XKR9: variants seen among roughly 807,000 people sequenced by gnomAD.
The protein encoded by XKR9 is XK related 9.
Under a neutral mutation model 32.0 loss-of-function variants are expected in XKR9, and 32 were observed. That is an observed-to-expected ratio of 1.00 (90% CI 0.76 to 1.34). The LOEUF (loss-of-function observed/expected upper bound fraction) is 1.34. Among genes scored for constraint, XKR9 ranks in the 40% most tolerant of loss-of-function variants. The probability of loss-of-function intolerance (pLI) is 0.00; values close to 1 mark genes in which losing one functional copy is unlikely to be tolerated. For missense variants in XKR9, 546 were observed against 429.7 expected, an observed-to-expected ratio of 1.27 and a Z score of -2.39; for synonymous variants, 168 against 143.4, an observed-to-expected ratio of 1.17 and a Z score of -1.22.
At chr8:70,851,532 A>G in the XKR9 span, among the ~76,000 whole-genome samples, 1 of 152,208 alleles carries the variant, frequency 6.6e-6, no homozygotes, top group Non-Finnish European at 1.5e-5. Flanking sequence ...ACTTCAAACT[A>G]TACTACAAGA....
chr8:70,981,127 C>A, the XKR9 span, among the ~76,000 whole-genome samples: 1 of 152,098 alleles, frequency 6.6e-6, no homozygotes, highest in Non-Finnish European at 1.5e-5. Flanking sequence ...AGGTGATGAT[C>A]TTTTTGCGAT....
the XKR9 span, among the ~76,000 whole-genome samples, chr8:70,821,058 G>A: frequency 6.6e-6 from 1 of 152,118 alleles, no homozygotes; most frequent in South Asian, 2.1e-4. Context: ...AGTCCCTTCT[G>A]TCTATGAGCC....
the XKR9 span, among the ~76,000 whole-genome samples, chr8:70,897,261 A>T: frequency 1.4e-4 from 21 of 152,220 alleles, no homozygotes; most frequent in South Asian, 1.2e-3. Flanking sequence ...TGTATGTACC[A>T]CTTTTTCTTT....
the XKR9 span, among the ~76,000 whole-genome samples, chr8:71,032,711 G>A: frequency 6.6e-6 from 1 of 152,112 alleles, no homozygotes; most frequent in Non-Finnish European, 1.5e-5. Context: ...AGTTTGTAAA[G>A]CACTTCATAT....
the XKR9 span, among the ~76,000 whole-genome samples, chr8:70,814,508 A>G: frequency 6.6e-6 from 1 of 151,852 alleles, no homozygotes; most frequent in East Asian, 1.9e-4. Flanking sequence ...AAAAAACTAC[A>G]TCATCTCAAT....
At chr8:70,705,622 TGTG>T (rs1357880812) in intron 3 of XKR9, among the ~76,000 whole-genome samples, 5 of 152,084 alleles carry the variant, frequency 3.3e-5, no homozygotes, top group African/African-American at 9.7e-5. Context: ...GAAAGGTAGT[TGTG>T]GTGGTAGCAT....
At chr8:70,819,172 A>G in the XKR9 span, among the ~76,000 whole-genome samples, 1 of 152,186 alleles carries the variant, frequency 6.6e-6, no homozygotes, top group Non-Finnish European at 1.5e-5. Context: ...CACTGCATGG[A>G]AACAGATTTC....
chr8:71,023,228 G>A, the XKR9 span, among the ~76,000 whole-genome samples: 1 of 152,100 alleles, frequency 6.6e-6, no homozygotes, highest in Non-Finnish European at 1.5e-5. Context: ...TGGTATAATA[G>A]TTGTTTCTTC....
the XKR9 span, among the ~76,000 whole-genome samples, chr8:70,986,248 T>A: frequency 6.6e-6 from 1 of 152,230 alleles, no homozygotes; most frequent in Non-Finnish European, 1.5e-5. Flanking sequence ...CTGTCTTAGC[T>A]TTCTCATCCA....
the XKR9 span, among the ~76,000 whole-genome samples, chr8:70,950,364 A>G: frequency 6.6e-6 from 1 of 152,192 alleles, no homozygotes; most frequent in Non-Finnish European, 1.5e-5. Flanking sequence ...TTTCTGAGGA[A>G]GTAACTCTTG....
the XKR9 span, among the ~76,000 whole-genome samples, chr8:70,918,939 G>A: frequency 1.3e-4 from 20 of 151,616 alleles, no homozygotes; most frequent in East Asian, 7.9e-4. Context: ...CACCACGCCC[G>A]GCTAATTTTT....
intron 4 of XKR9, among the ~76,000 whole-genome samples, chr8:70,711,029 A>G (rs566413699): frequency 1.8e-4 from 28 of 152,190 alleles, no homozygotes; most frequent in African/African-American, 4.3e-4. Context: ...GAAAAGCTCT[A>G]TTTCACTAAT....
chr8:70,799,420 ACTGGGG>A, the XKR9 span, among the ~76,000 whole-genome samples: 1 of 152,032 alleles, frequency 6.6e-6, no homozygotes. Context: ...AACCTCCACC[ACTGGGG>A]CTCAAGTGAT....
chr8:70,904,167 A>G, the XKR9 span, among the ~76,000 whole-genome samples: 3 of 152,098 alleles, frequency 2.0e-5, no homozygotes, highest in South Asian at 4.2e-4. Flanking sequence ...CAATTCCTGG[A>G]TATCCTTGTT....
chr8:71,061,401 G>A, the XKR9 span, among the ~76,000 whole-genome samples: 1 of 152,188 alleles, frequency 6.6e-6, no homozygotes, highest in Non-Finnish European at 1.5e-5. Flanking sequence ...ACAGAGCAGT[G>A]TTCCAGCCTT....
At chr8:70,772,070 C>A (rs1807461070) in intron 2 of XKR9, among the ~76,000 whole-genome samples, 1 of 152,142 alleles carries the variant, frequency 6.6e-6, no homozygotes, top group Non-Finnish European at 1.5e-5. Context: ...GATGGTCCAT[C>A]CAAGTACCAG....
the XKR9 span, among the ~76,000 whole-genome samples, chr8:70,816,806 G>A: frequency 6.6e-6 from 1 of 152,104 alleles, no homozygotes; most frequent in East Asian, 1.9e-4. Context: ...TGGGATGCAA[G>A]GTTGGTTCAA....
chr8:70,828,470 C>T, the XKR9 span, among the ~76,000 whole-genome samples: 1 of 151,534 alleles, frequency 6.6e-6, no homozygotes. Context: ...CGCAGTGGCT[C>T]ACGCCAGCAC....
intron 4 of XKR9, among the ~76,000 whole-genome samples, chr8:70,723,858 C>T (rs966064538): frequency 1.2e-4 from 18 of 151,320 alleles, no homozygotes; most frequent in African/African-American, 1.7e-4. Flanking sequence ...GGGAGATCCA[C>T]TGCTCTCTTC....
Sources: allele counts gnomAD v4.1 joint callset (sites outside exome capture counted in the v4.1 genomes callset), GRCh38; gene constraint gnomAD v4.1.1; transcripts MANE v1.5; gene names NCBI Gene and HGNC (gene_info 2026-07-23, HGNC 2026-07-21).